Variants in RNF213 observed in about 807,000 individuals in gnomAD.
The protein encoded by RNF213 is ring finger protein 213.
In RNF213, 341 loss-of-function variants were observed where a neutral mutation model predicts 514.4. The observed-to-expected ratio is 0.66, with a 90% CI of 0.61 to 0.73. The LOEUF is 0.73. Ranked by LOEUF, RNF213 falls within the 30% of genes least tolerant of loss-of-function variation. RNF213 has a pLI of 0.00. For missense variants in RNF213, 5,767 were observed against 6,615.6 expected (o/e 0.87, Z 4.45); for synonymous variants, 2,655 against 2,658.2 (o/e 1.00, Z 0.04).
At chr17:80,380,360 A>G (rs1445465949) in intron 55 of RNF213, among the ~76,000 whole-genome samples, 1 of 152,124 alleles carries the variant, frequency 6.6e-6, no homozygotes, top group Non-Finnish European at 1.5e-5. Context: ...AGTGTCCTCC[A>G]TCCTCTAATA....
At position 80,360,058 on chromosome 17, in the gene RNF213, C is replaced by T; in HGVS notation, c.11055-3C>T. On this transcript the variant is annotated splice_region_variant and splice_polypyrimidine_tract_variant and intron_variant, in intron 37 of 67. Transcript: ENST00000582970. The stretch of plus-strand genomic sequence containing the variant: ...CTTCTTATCATCCCTCACCTTATTG[C>T]AGACATAAAGGTGAGATGGCCTACA... The T allele has an allele frequency of 6.2e-7, 1 of 1,613,902 alleles. No individual in the cohort carries two copies. The highest frequency in any genetic ancestry group is 1.1e-5 in the South Asian group (1 of 91,062).
chr17:80,290,737 G>T lies in RNF213; in HGVS notation c.1271+9G>T, dbSNP rs374682633. 3.7e-6 allele frequency: 6 copies of T among 1,613,988 alleles called. No homozygotes were observed. In the African/African-American group the frequency reaches 6.7e-5, roughly 18 times the overall value. On this transcript the variant is annotated intron_variant, in intron 7 of 67. Transcript: ENST00000582970. ...GAGCTGCACTACACCAGGTGAGCGT[G>T]TCTGTAGGCTTGGGAGGAATCCCTC...
At chr17:80,338,604 C>T (rs900302672) in intron 25 of RNF213, among the ~76,000 whole-genome samples, 1 of 150,258 alleles carries the variant, frequency 6.7e-6, no homozygotes, top group Non-Finnish European at 1.5e-5. Flanking sequence ...GGCAACATAG[C>T]GAGACCCTGT....
At chr17:80,293,977 A>T (rs1181958610) in intron 8 of RNF213, among the ~76,000 whole-genome samples, 2 of 152,150 alleles carry the variant, frequency 1.3e-5, no homozygotes, top group Non-Finnish European at 2.9e-5. Flanking sequence ...AGTCTAGACA[A>T]CTGTGGGTCG....
At chr17:80,358,934 A>C (rs930046197) in intron 37 of RNF213, among the ~76,000 whole-genome samples, 1 of 152,056 alleles carries the variant, frequency 6.6e-6, no homozygotes, top group Non-Finnish European at 1.5e-5. Context: ...AAGTTTACGA[A>C]GCTCTGAGAA....
chr17:80,386,144 C>G (rs2080227075), intron 61 of RNF213, 106 bp from the exon 62 acceptor site: 1 of 1,119,568 alleles, frequency 8.9e-7, no homozygotes, highest in Non-Finnish European at 1.3e-6. Flanking sequence ...GACCCGGCTC[C>G]CGGCTGTGTG....
At chr17:80,372,393 T>G in intron 47 of RNF213, 128 bp from the exon 48 acceptor site, 1 of 722,422 alleles carries the variant, frequency 1.4e-6, no homozygotes, top group Non-Finnish European at 2.4e-6. Flanking sequence ...TCAAGAAATT[T>G]ACACTGAAAC....
chr17:80,333,377 T>C (rs572959504), intron 21 of RNF213, among the ~76,000 whole-genome samples: 98 of 151,118 alleles, frequency 6.5e-4, no homozygotes, highest in African/African-American at 2.2e-3. Context: ...CTGCTTCTTA[T>C]GTTTTTAGGT....
intron 2 of RNF213, among the ~76,000 whole-genome samples, chr17:80,266,867 G>A (rs1207535888): frequency 6.6e-6 from 1 of 152,184 alleles, no homozygotes; most frequent in African/African-American, 2.4e-5. Flanking sequence ...AAGGCATGTT[G>A]AAAGCTGAGA....
rs1047685171 is a variant in RNF213, at chr17:80,373,091, G to C, written c.12868G>C (p.Glu4290Gln). 6.2e-7 allele frequency: 1 copy of C among 1,613,862 alleles called. No individual in the cohort carries two copies. The highest frequency in any genetic ancestry group is 1.1e-5 in the South Asian group (1 of 91,080). Residue 4290 changes from glutamate to glutamine, a missense_variant, in exon 49 of 68, where the codon GAG (glutamate) becomes CAG (glutamine). Physicochemically the swap from Glu to Gln is conservative, Grantham distance 29. Coordinates refer to ENST00000582970, the MANE Select transcript of RNF213 (RefSeq NM_001256071.3). ...VRKLSSQRGMEFVQGLSKPGR... is the reference protein window; with the variant it reads ...VRKLSSQRGMQFVQGLSKPGR... ...GAAGCTCAGCAGCCAGCGGGGGATG[G>C]AGTTCGTGCAGGGCCTCTCCAAGCC...
chr17:80,341,578 T>C (rs2078156036), intron 26 of RNF213: 1 of 152,056 alleles, frequency 6.6e-6, no homozygotes, highest in South Asian at 2.1e-4. Flanking sequence ...TAGAAAACTG[T>C]ACTTTAAAAA....
intron 15 of RNF213, among the ~76,000 whole-genome samples, chr17:80,313,751 G>A (rs2045675137): frequency 6.6e-6 from 1 of 150,438 alleles, no homozygotes; most frequent in Admixed American, 6.6e-5. Flanking sequence ...TGATGCTGGT[G>A]GTGGAGGTGG....
chr17:80,269,846 G>C (rs78513297), intron 2 of RNF213, among the ~76,000 whole-genome samples: 7,132 of 152,232 alleles, frequency 0.047, 309 homozygotes, highest in East Asian at 0.17. Context: ...GGATAACCCT[G>C]TTCTATACTG....
chr17:80,280,050 C>T (rs1268814903), intron 3 of RNF213, among the ~76,000 whole-genome samples: 2 of 152,212 alleles, frequency 1.3e-5, no homozygotes, highest in African/African-American at 4.8e-5. Context: ...ACGCCTAGGT[C>T]TTAAGTGTAG....
Position 80,337,623 on chromosome 17 carries a change from T to C in RNF213, c.4565T>C (p.Val1522Ala), listed in dbSNP as rs1400875012. The change falls in exon 24 of 68, where the codon GTG becomes GCG. Residue 1522 changes from valine to alanine, a missense_variant. By Grantham distance (64) the Val-to-Ala change is moderately conservative. Around this residue, in one of 13 missense-constraint regions of RNF213, gnomAD observed 1,377 missense variants for 1,635.2 expected, o/e 0.84. Transcript: ENST00000582970. ...AGGAACTTGGAATGGCTGAAGACTG[T>C]GAATGAGAGTCATGGGTCTGTGGAA... ...SARNLEWLKT[V>A]NESHGSVERS... 2.6e-6 allele frequency: 4 copies of C among 1,537,138 alleles called. No individual in the cohort carries two copies. Among genetic ancestry groups the C allele is most frequent in the Non-Finnish European group, 3.5e-6 (4 of 1,146,920 alleles).
chr17:80,263,016 C>T lies in RNF213; in HGVS notation c.-108-558C>T, dbSNP rs902984116. ...GGTCCTCCACTGTTAGGTGGCCAAG[C>T]GCCCAAACGCCATCTCCACTCTCAC... On this transcript the variant is annotated intron_variant, in intron 1 of 67. Coordinates refer to ENST00000582970, the MANE Select transcript of RNF213 (RefSeq NM_001256071.3). The surrounding 1 kb of genome is among the most constrained non-coding windows in gnomAD (Gnocchi z 4.9). Among the ~76,000 whole-genome samples, 3 of 152,222 alleles carry T rather than the reference C, an allele frequency of 2.0e-5. No individual in the cohort carries two copies. The highest frequency in any genetic ancestry group is 2.1e-4 in the South Asian group (1 of 4,830).
chr17:80,319,262 G>A lies in RNF213; in HGVS notation c.2974G>A (p.Ala992Thr), dbSNP rs1443213002. 6 of 1,614,054 alleles carry A rather than the reference G, an allele frequency of 3.7e-6. No homozygotes were observed. Among genetic ancestry groups the A allele is most frequent in the Non-Finnish European group, 3.4e-6 (4 of 1,180,032 alleles). Residue 992 changes from alanine (A) to threonine (T), a missense_variant, in exon 17 of 68, where the codon GCC becomes ACC. Transcript: ENST00000582970. ...WDTKGLEDSV[A>T]KTFEKCIIEA... The stretch of plus-strand genomic sequence containing the variant: ...CACCAAAGGCTTAGAGGACAGTGTG[G>A]CCAAGACCTTCGAGAAATGCATCAT...
chr17:80,346,998 C>T lies in RNF213; in HGVS notation c.8663C>T (p.Ala2888Val). ...GGCTTCGTGGGCATCTCCAACTGGG[C>T]CCTTGACCCTGCCAAGATGAACCGG... ...KVGFVGISNWALDPAKMNRGI... is the reference protein window; with the variant it reads ...KVGFVGISNWVLDPAKMNRGI... Residue 2888 changes from alanine (A) to valine (V), a missense_variant, in exon 29 of 68, where the codon GCC becomes GTC. Around this residue, in one of 13 missense-constraint regions of RNF213, gnomAD observed 919 missense variants for 1,121.0 expected, o/e 0.82. Coordinates refer to ENST00000582970, the MANE Select transcript of RNF213 (RefSeq NM_001256071.3). The surrounding 1 kb of genome is among the most constrained non-coding windows in gnomAD (Gnocchi z 8.1). The T allele has an allele frequency of 1.2e-6, 2 of 1,613,818 alleles. No individual in the cohort carries two copies. Among genetic ancestry groups the T allele is most frequent in the Non-Finnish European group, 1.7e-6 (2 of 1,179,880 alleles).
chr17:80,283,981 TG>T (rs1445976701), intron 3 of RNF213, among the ~76,000 whole-genome samples: 1 of 152,180 alleles, frequency 6.6e-6, no homozygotes, highest in Non-Finnish European at 1.5e-5. Flanking sequence ...CACAGCACTT[TG>T]GGAGGCCGAG....
Sources: allele counts gnomAD v4.1 joint callset (sites outside exome capture counted in the v4.1 genomes callset), GRCh38; gene constraint gnomAD v4.1.1; regional missense constraint gnomAD v4.1.1; non-coding constraint Gnocchi (gnomAD v3.1); transcripts MANE v1.5; gene names NCBI Gene and HGNC (gene_info 2026-07-23, HGNC 2026-07-21).